ANO3: variants seen among roughly 807,000 people sequenced by gnomAD.
ANO3 encodes the protein anoctamin 3, also known as anoctamin-3.
Under a neutral mutation model 144.8 loss-of-function variants are expected in ANO3, and 99 were observed. The observed-to-expected ratio is 0.68, with a 90% confidence interval of 0.58 to 0.81. ANO3 has a LOEUF of 0.81. Ranked by LOEUF, ANO3 falls within the 30% of genes least tolerant of loss-of-function variation. ANO3 has a pLI of 0.00. For synonymous variants in ANO3, 414 were observed against 392.6 expected (o/e 1.05, Z -0.64); for missense variants, 905 against 1,202.2 (o/e 0.75, Z 3.66).
intron 1 of ANO3, among the ~76,000 whole-genome samples, chr11:26,222,839 T>C (rs1300222748): frequency 6.6e-6 from 1 of 152,192 alleles, no homozygotes; most frequent in Non-Finnish European, 1.5e-5. Flanking sequence ...TGTAGGGCAG[T>C]GGGATCCTGG....
chr11:26,267,867 C>T (rs186955149), intron 1 of ANO3, among the ~76,000 whole-genome samples: 1,642 of 151,858 alleles, frequency 0.011, 14 homozygotes, highest in Middle Eastern at 0.027. Flanking sequence ...TTTCTTTTGT[C>T]TCATTTTTTT....
At chr11:26,475,475 G>A (rs1859928328) in intron 4 of ANO3, among the ~76,000 whole-genome samples, 2 of 151,764 alleles carry the variant, frequency 1.3e-5, no homozygotes, top group South Asian at 4.1e-4. Flanking sequence ...AAATCAATAT[G>A]GGCAAAATTA....
At chr11:26,475,041 G>T (rs568511727) in intron 4 of ANO3, among the ~76,000 whole-genome samples, 2 of 151,958 alleles carry the variant, frequency 1.3e-5, no homozygotes, top group South Asian at 4.2e-4. Context: ...AATTGGCTTT[G>T]TGTCTTCATT....
At chr11:26,240,363 C>T (rs1852636794) in intron 1 of ANO3, among the ~76,000 whole-genome samples, 1 of 151,992 alleles carries the variant, frequency 6.6e-6, no homozygotes, top group Non-Finnish European at 1.5e-5. Flanking sequence ...TTAATTATAC[C>T]AGTGTTTCCT....
At chr11:26,460,088 A>T in intron 3 of ANO3, 1 of 454,374 alleles carries the variant, frequency 2.2e-6, no homozygotes, top group Non-Finnish European at 4.4e-6. Flanking sequence ...ACCTGGACCA[A>T]ACAAACCATA....
chr11:26,403,331 G>A (rs1857197522), intron 1 of ANO3, among the ~76,000 whole-genome samples: 1 of 151,784 alleles, frequency 6.6e-6, no homozygotes, highest in Non-Finnish European at 1.5e-5. Context: ...ACTTCATTAG[G>A]ATAATTCATT....
chr11:26,600,556 A>C (rs2132934200), intron 17 of ANO3, among the ~76,000 whole-genome samples: 3 of 83,504 alleles, frequency 3.6e-5, no homozygotes, highest in Admixed American at 1.5e-4. Context: ...CTCTCCCTTA[A>C]TCCCTCCCTC....
At chr11:26,428,983 C>T (rs1296065057) in intron 1 of ANO3, among the ~76,000 whole-genome samples, 1 of 152,170 alleles carries the variant, frequency 6.6e-6, no homozygotes, top group African/African-American at 2.4e-5. Flanking sequence ...CCCCCATTAT[C>T]AGAGCTGAGT....
At chr11:26,608,622 T>C (rs1391694409) in intron 17 of ANO3, among the ~76,000 whole-genome samples, 1 of 152,118 alleles carries the variant, frequency 6.6e-6, no homozygotes, top group Non-Finnish European at 1.5e-5. Flanking sequence ...ATTAGAGTTC[T>C]GTCCCTGAGC....
At chr11:26,405,099 A>G (rs966979924) in intron 1 of ANO3, among the ~76,000 whole-genome samples, 1 of 151,684 alleles carries the variant, frequency 6.6e-6, no homozygotes, top group Non-Finnish European at 1.5e-5. Flanking sequence ...CATTTAAAAA[A>G]TGTTACTTTT....
intron 3 of ANO3, among the ~76,000 whole-genome samples, chr11:26,451,459 A>G (rs573838459): frequency 2.6e-5 from 4 of 152,156 alleles, no homozygotes; most frequent in Non-Finnish European, 4.4e-5. Flanking sequence ...GGAGGGTCCT[A>G]CGCCCACGGA....
At chr11:26,507,991 T>C (rs1029468924) in intron 4 of ANO3, 113 bp from the exon 5 acceptor site, 79 of 921,014 alleles carry the variant, frequency 8.6e-5, no homozygotes, top group Middle Eastern at 2.4e-4. Flanking sequence ...GGTAGGAATA[T>C]TAAAAATACA....
rs561930710 is a variant in ANO3 at position 26,272,758 on chromosome 11, GAA to G, written c.155-36885_155-36884del. ...GCCTGCACAGGTTCTTAATACAGAT[GAA>G]AGTGTCCTATTAAGATGCACAAAGG... is the stretch of plus-strand genomic sequence containing the variant. On this transcript the variant is annotated intron_variant, in intron 1 of 27. Transcript: ENST00000672621. 3.8e-3 allele frequency among the ~76,000 whole-genome samples: 586 copies of G among 152,266 alleles called. 2 individuals are homozygous for G. Among genetic ancestry groups the G allele is most frequent in the African/African-American group, 0.013 (555 of 41,552 alleles).
At chr11:26,627,797 T>A (rs1260418579) in intron 18 of ANO3, among the ~76,000 whole-genome samples, 1 of 147,766 alleles carries the variant, frequency 6.8e-6, no homozygotes, top group African/African-American at 2.5e-5. Context: ...GATAGTTTGA[T>A]TAAAATAATA....
intron 1 of ANO3, among the ~76,000 whole-genome samples, chr11:26,386,503 G>A (rs1856737601): frequency 6.6e-6 from 1 of 152,114 alleles, no homozygotes; most frequent in African/African-American, 2.4e-5. Context: ...AAAAGATGGT[G>A]GTTTGTGATA....
At chr11:26,415,060 G>A (rs1326565495) in intron 1 of ANO3, among the ~76,000 whole-genome samples, 1 of 101,512 alleles carries the variant, frequency 9.9e-6, no homozygotes, top group African/African-American at 6.9e-5. Flanking sequence ...GTGTGTATGT[G>A]TGTGTGTGTG....
chr11:26,617,610 C>T (rs924080819), intron 17 of ANO3, among the ~76,000 whole-genome samples: 2 of 152,152 alleles, frequency 1.3e-5, no homozygotes, highest in East Asian at 3.8e-4. Flanking sequence ...TCTATTTCTA[C>T]TTATTGGTCA....
At chr11:26,559,835 TACACACACACACACACACACACACACAC>T in intron 14 of ANO3, 56 bp downstream of exon 14, 1 of 660,904 alleles carries the variant, frequency 1.5e-6, no homozygotes, top group Admixed American at 2.0e-5. Context: ...GTTTCTGTGT[TACACACACACACACACACACACACACAC>T]ACACACACAC....
At chr11:26,363,245 C>T (rs1183983805) in intron 1 of ANO3, among the ~76,000 whole-genome samples, 2 of 152,086 alleles carry the variant, frequency 1.3e-5, no homozygotes, top group Admixed American at 6.6e-5. Flanking sequence ...TCATATAATC[C>T]ATATACAAAT....
Sources: allele counts gnomAD v4.1 joint callset (sites outside exome capture counted in the v4.1 genomes callset), GRCh38; gene constraint gnomAD v4.1.1; transcripts MANE v1.5; gene names NCBI Gene and HGNC (gene_info 2026-07-23, HGNC 2026-07-21).